The following ADK variants were observed in gnomAD, a reference collection of about 807,000 sequenced individuals.
The protein encoded by ADK is N6,N6-dimethyladenosine kinase.
In ADK, 24 loss-of-function variants were observed where a neutral mutation model predicts 44.7. The ratio of observed to expected loss-of-function variants is 0.54; its 90% CI spans 0.39 to 0.76. The LOEUF (loss-of-function observed/expected upper bound fraction) is 0.76, where lower values mean the gene tolerates loss of function less well. ADK is among the 30% of genes least tolerant of loss of function. The pLI is 0.00. For synonymous variants in ADK, 128 were observed against 142.6 expected, an observed-to-expected ratio of 0.90 and a Z score of 0.73; for missense variants, 321 against 425.1, an observed-to-expected ratio of 0.76 and a Z score of 2.15.
At chr10:74,543,107 A>G (rs909412045) in intron 7 of ADK, among the ~76,000 whole-genome samples, 1 of 151,798 alleles carries the variant, frequency 6.6e-6, no homozygotes, top group African/African-American at 2.4e-5. Flanking sequence ...TCACCATGTT[A>G]GCCAGGCTGG....
At chr10:74,700,634 GAAAA>G (rs1222569744) in intron 10 of ADK, among the ~76,000 whole-genome samples, 1 of 150,408 alleles carries the variant, frequency 6.6e-6, no homozygotes, top group Non-Finnish European at 1.5e-5. Context: ...AAAAAAAAAA[GAAAA>G]GAAAAAGAAA....
intron 9 of ADK, among the ~76,000 whole-genome samples, chr10:74,627,011 A>T (rs1241419920): frequency 6.6e-6 from 1 of 152,244 alleles, no homozygotes; most frequent in Non-Finnish European, 1.5e-5. Context: ...AGATCATTAC[A>T]TGATTACTAT....
intron 3 of ADK, among the ~76,000 whole-genome samples, chr10:74,308,258 A>G (rs1227373691): frequency 6.6e-6 from 1 of 152,228 alleles, no homozygotes; most frequent in Non-Finnish European, 1.5e-5. Flanking sequence ...TAAGCAATAC[A>G]TGCTTAAAAT....
At chr10:74,570,696 G>A (rs1213610781) in intron 7 of ADK, among the ~76,000 whole-genome samples, 16 of 152,166 alleles carry the variant, frequency 1.1e-4, no homozygotes, top group Admixed American at 2.0e-4. Context: ...GGGCTGAGAC[G>A]ATGGGGTTTT....
intron 6 of ADK, among the ~76,000 whole-genome samples, chr10:74,494,938 G>A (rs1847629182): frequency 6.6e-6 from 1 of 152,118 alleles, no homozygotes; most frequent in South Asian, 2.1e-4. Flanking sequence ...ACTCACTCTG[G>A]ATTAATATAT....
intron 1 of ADK, among the ~76,000 whole-genome samples, chr10:74,179,301 A>G (rs1842455047): frequency 6.6e-6 from 1 of 152,204 alleles, no homozygotes; most frequent in South Asian, 2.1e-4. Context: ...TTCCTATCAG[A>G]GGCATTTGAG....
chr10:74,635,084 T>C (rs1221703381), intron 9 of ADK, among the ~76,000 whole-genome samples: 1 of 152,224 alleles, frequency 6.6e-6, no homozygotes. Context: ...TGATGAATAA[T>C]GGCTGTAAGG....
intron 6 of ADK, among the ~76,000 whole-genome samples, chr10:74,475,338 T>C (rs1846788475): frequency 6.6e-6 from 1 of 152,148 alleles, no homozygotes. Flanking sequence ...TTTTATTACT[T>C]TCTTACTTTC....
intron 3 of ADK, among the ~76,000 whole-genome samples, chr10:74,271,835 G>A (rs924865624): frequency 6.6e-6 from 1 of 151,774 alleles, no homozygotes; most frequent in Admixed American, 6.6e-5. Context: ...TTACAAAAAT[G>A]TAATTATTTG....
At chr10:74,582,384 G>A (rs547107259) in intron 7 of ADK, among the ~76,000 whole-genome samples, 85 of 152,182 alleles carry the variant, frequency 5.6e-4, no homozygotes, top group African/African-American at 1.8e-3. Flanking sequence ...TTTTTCTTAT[G>A]CTAGCCTCTT....
chr10:74,552,251 T>C (rs1427425379), intron 7 of ADK, among the ~76,000 whole-genome samples: 12 of 152,034 alleles, frequency 7.9e-5, no homozygotes, highest in Non-Finnish European at 1.2e-4. Context: ...ATTATATTGA[T>C]AGAAAAGATT....
intron 1 of ADK, among the ~76,000 whole-genome samples, chr10:74,177,412 A>G (rs919765448): frequency 6.6e-6 from 1 of 152,176 alleles, no homozygotes; most frequent in Non-Finnish European, 1.5e-5. Flanking sequence ...CGAAGGTACC[A>G]TCTTGTTTCT....
intron 3 of ADK, among the ~76,000 whole-genome samples, chr10:74,258,947 G>GTTTTTTTTTTTTTTTT (rs141424052): frequency 7.3e-5 from 7 of 96,126 alleles, no homozygotes; most frequent in South Asian, 3.4e-4. Context: ...TTGTTTTTGT[G>GTTTTTTTTTTTTTTTT]TTTTTTTTTT....
At chr10:74,665,123 C>T (rs993319589) in intron 9 of ADK, among the ~76,000 whole-genome samples, 1 of 152,024 alleles carries the variant, frequency 6.6e-6, no homozygotes, top group Non-Finnish European at 1.5e-5. Context: ...GAGGAATGAT[C>T]AACTAAATGT....
chr10:74,472,744 A>T (rs937418518), intron 6 of ADK, among the ~76,000 whole-genome samples: 1 of 152,244 alleles, frequency 6.6e-6, no homozygotes, highest in Non-Finnish European at 1.5e-5. Context: ...AGTGGCTACC[A>T]TATTGGATAG....
At chr10:74,267,754 T>TTGTGTGTGTGTGTGTG (rs372502769) in intron 3 of ADK, among the ~76,000 whole-genome samples, 2,161 of 132,726 alleles carry the variant, frequency 0.016, 30 homozygotes, top group South Asian at 0.026. Flanking sequence ...ATATCCTTAT[T>TTGTGTGTGTGTGTGTG]TGTGTGTGTG....
chr10:74,185,898 A>AGTG (rs1267742528), intron 1 of ADK, among the ~76,000 whole-genome samples: 1 of 143,476 alleles, frequency 7.0e-6, no homozygotes, highest in Non-Finnish European at 1.5e-5. Context: ...CCCAGGCTGG[A>AGTG]GTGCAGCTGC....
chr10:74,430,077 C>T (rs1844930391), intron 6 of ADK, among the ~76,000 whole-genome samples: 1 of 152,154 alleles, frequency 6.6e-6, no homozygotes, highest in Non-Finnish European at 1.5e-5. Context: ...TGTTAACTTT[C>T]TCCAGGTTTC....
Position 74,352,909 on chromosome 10 carries a change from AAAC to A in ADK, c.273+38169_273+38171del, listed in dbSNP as rs566473288. ...GAATGGCGATCATTAAAAAGTCAGGAAACAACAGTTGCTGTTGAGGTTGTGGAG... is the reference window on the plus strand; with the variant it reads ...GAATGGCGATCATTAAAAAGTCAGGAAACAGTTGCTGTTGAGGTTGTGGAG... On this transcript the variant is annotated intron_variant, in intron 4 of 10. Coordinates refer to ENST00000539909, the MANE Select transcript of ADK (RefSeq NM_006721.4). 3.2e-3 allele frequency among the ~76,000 whole-genome samples: 484 copies of A among 152,308 alleles called. 6 individuals carry two copies. Among genetic ancestry groups the A allele is most frequent in the African/African-American group, 0.011 (454 of 41,566 alleles).
Sources: gnomAD v4.1 joint callset for allele counts (sites outside exome capture counted in the v4.1 genomes callset) on GRCh38, gnomAD v4.1.1 for gene constraint, MANE v1.5 for transcripts, NCBI Gene and HGNC (gene_info 2026-07-23, HGNC 2026-07-21) for gene names.